The following KLHL32 variants were observed in gnomAD, a reference collection of about 807,000 sequenced individuals.
KLHL32 encodes the protein kelch-like protein 32.
Under a neutral mutation model 64.8 loss-of-function variants are expected in KLHL32, and 35 were observed. The observed-to-expected ratio is 0.54, with a 90% CI of 0.41 to 0.72. The LOEUF is 0.72. Among genes scored for constraint, KLHL32 ranks in the 30% least tolerant of loss-of-function variants. The pLI, the probability that KLHL32 is intolerant of heterozygous loss-of-function variation, is 0.00. For missense variants in KLHL32, 589 were observed against 768.5 expected, an observed-to-expected ratio of 0.77 and a Z score of 2.76; for synonymous variants, 259 against 281.0, an observed-to-expected ratio of 0.92 and a Z score of 0.78.
intron 6 of KLHL32, among the ~76,000 whole-genome samples, chr6:97,112,724 C>T (rs950703057): frequency 6.6e-6 from 1 of 150,846 alleles, no homozygotes; most frequent in African/African-American, 2.4e-5. Context: ...GGATTACAGG[C>T]GTGAGCCACC....
At chr6:97,024,401 CTT>C (rs11314105) in intron 3 of KLHL32, among the ~76,000 whole-genome samples, 7 of 131,824 alleles carry the variant, frequency 5.3e-5, no homozygotes, top group Admixed American at 7.4e-5. Context: ...TTTGTTGTTG[CTT>C]TTTTTTTTTT....
At chr6:96,940,765 A>G (rs555932874) in intron 1 of KLHL32, among the ~76,000 whole-genome samples, 1 of 152,366 alleles carries the variant, frequency 6.6e-6, no homozygotes, top group South Asian at 2.1e-4. Flanking sequence ...AATGCTGTAT[A>G]GTCATTCATT....
intron 3 of KLHL32, among the ~76,000 whole-genome samples, chr6:97,021,619 A>G (rs1781995207): frequency 6.6e-6 from 1 of 150,944 alleles, no homozygotes; most frequent in Non-Finnish European, 1.5e-5. Flanking sequence ...GACATACTAG[A>G]GTAATGTTTT....
At chr6:97,010,254 A>G (rs1368483372) in intron 3 of KLHL32, 3 of 150,306 alleles carry the variant, frequency 2.0e-5, no homozygotes, top group African/African-American at 4.9e-5. Context: ...GATCAGCAGA[A>G]TGGGTATAGA....
At chr6:97,017,134 G>A (rs1156915439) in intron 3 of KLHL32, among the ~76,000 whole-genome samples, 2 of 152,114 alleles carry the variant, frequency 1.3e-5, no homozygotes, top group South Asian at 2.1e-4. Flanking sequence ...CTGGAATTTG[G>A]TGAGTAAATT....
intron 2 of KLHL32, among the ~76,000 whole-genome samples, chr6:96,972,414 T>C (rs556163675): frequency 6.6e-6 from 1 of 152,306 alleles, no homozygotes; most frequent in East Asian, 1.9e-4. Flanking sequence ...ACTATTGTAT[T>C]GATACAACAC....
chr6:97,086,756 G>C (rs1157966328), intron 6 of KLHL32, among the ~76,000 whole-genome samples: 1 of 152,172 alleles, frequency 6.6e-6, no homozygotes, highest in Non-Finnish European at 1.5e-5. Flanking sequence ...GTTTTTGGTA[G>C]AAATTTCAAT....
chr6:97,022,872 G>A (rs1782203093), intron 3 of KLHL32, among the ~76,000 whole-genome samples: 1 of 152,176 alleles, frequency 6.6e-6, no homozygotes, highest in African/African-American at 2.4e-5. Context: ...AGTTTTAATT[G>A]ACTTACAGTT....
At chr6:97,098,631 C>A (rs1284912238) in intron 6 of KLHL32, among the ~76,000 whole-genome samples, 2 of 152,126 alleles carry the variant, frequency 1.3e-5, no homozygotes, top group Non-Finnish European at 2.9e-5. Context: ...TGAATTAAGT[C>A]ATTGAATCCA....
At chr6:97,098,142 G>A (rs747811815) in intron 6 of KLHL32, among the ~76,000 whole-genome samples, 20 of 152,068 alleles carry the variant, frequency 1.3e-4, no homozygotes, top group Admixed American at 4.6e-4. Context: ...GGCTAAAAAC[G>A]ATACAGACAT....
At chr6:96,963,161 C>A (rs1343728736) in intron 1 of KLHL32, among the ~76,000 whole-genome samples, 1 of 152,130 alleles carries the variant, frequency 6.6e-6, no homozygotes, top group African/African-American at 2.4e-5. Context: ...ATCACAGATA[C>A]ATGTGGGGGC....
At chr6:97,034,238 A>G (rs1280373701) in intron 3 of KLHL32, among the ~76,000 whole-genome samples, 2 of 152,006 alleles carry the variant, frequency 1.3e-5, no homozygotes, top group Non-Finnish European at 2.9e-5. Context: ...TGGCATGCGG[A>G]TGTCAAGTTT....
At chr6:97,068,386 G>T (rs1790153710) in intron 5 of KLHL32, among the ~76,000 whole-genome samples, 1 of 152,092 alleles carries the variant, frequency 6.6e-6, no homozygotes, top group African/African-American at 2.4e-5. Context: ...AGGAATATAG[G>T]TTTAATATCT....
intron 3 of KLHL32, among the ~76,000 whole-genome samples, chr6:96,986,723 G>T (rs1234350268): frequency 6.6e-6 from 1 of 152,196 alleles, no homozygotes; most frequent in East Asian, 1.9e-4. Flanking sequence ...CGTTGGAAAA[G>T]CACAGTATTA....
At chr6:96,956,633 T>C (rs1773312565) in intron 1 of KLHL32, among the ~76,000 whole-genome samples, 1 of 152,228 alleles carries the variant, frequency 6.6e-6, no homozygotes, top group Non-Finnish European at 1.5e-5. Context: ...TGCAGCAGAA[T>C]GTAAGAGCTG....
chr6:97,095,465 C>T lies in KLHL32; in HGVS notation c.627+10124C>T, dbSNP rs115075513. On this transcript the variant is annotated intron_variant, in intron 6 of 10. Coordinates refer to ENST00000369261, the MANE Select transcript of KLHL32 (RefSeq NM_052904.4). ...TGCTTTAGAATGATTAATTCCACACCCCTTGGATTCTGGGAGTTAGAATAG... is the reference window on the plus strand; with the variant it reads ...TGCTTTAGAATGATTAATTCCACACTCCTTGGATTCTGGGAGTTAGAATAG... 5.7e-3 allele frequency among the ~76,000 whole-genome samples: 867 copies of T among 152,216 alleles called. 9 individuals are homozygous for T. Among genetic ancestry groups the T allele is most frequent in the African/African-American group, 0.017 (694 of 41,538 alleles).
chr6:97,018,013 C>A (rs1781469357), intron 3 of KLHL32, among the ~76,000 whole-genome samples: 1 of 151,944 alleles, frequency 6.6e-6, no homozygotes, highest in Admixed American at 6.6e-5. Context: ...TATAAAACTG[C>A]CTAAGATTTT....
At chr6:96,956,342 A>G (rs569185881) in intron 1 of KLHL32, among the ~76,000 whole-genome samples, 5 of 152,218 alleles carry the variant, frequency 3.3e-5, no homozygotes, top group Admixed American at 1.3e-4. Flanking sequence ...TAGTAACTTC[A>G]TGAAGGTCAC....
intron 1 of KLHL32, among the ~76,000 whole-genome samples, chr6:96,951,288 C>G (rs1266588695): frequency 2.0e-5 from 3 of 151,898 alleles, no homozygotes; most frequent in Non-Finnish European, 2.9e-5. Flanking sequence ...TGTCAACAGC[C>G]CTATACACCT....
Sources: allele counts gnomAD v4.1 joint callset (sites outside exome capture counted in the v4.1 genomes callset), GRCh38; gene constraint gnomAD v4.1.1; transcripts MANE v1.5; gene names NCBI Gene and HGNC (gene_info 2026-07-23, HGNC 2026-07-21).